CPNE8: variants seen among roughly 807,000 people sequenced by gnomAD.
The protein encoded by CPNE8 is copine-8.
Under a neutral mutation model 81.5 loss-of-function variants are expected in CPNE8, and 45 were observed. The ratio of observed to expected loss-of-function variants is 0.55; its 90% confidence interval spans 0.44 to 0.71. The LOEUF (loss-of-function observed/expected upper bound fraction) is 0.71. Among genes scored for constraint, CPNE8 ranks in the 30% least tolerant of loss-of-function variants. The pLI is 0.00. For synonymous variants in CPNE8, 252 were observed against 226.3 expected (o/e 1.11, Z -1.02); for missense variants, 594 against 672.1 (o/e 0.88, Z 1.28).
At chr12:38,713,806 G>T (rs1240685150) in intron 13 of CPNE8, among the ~76,000 whole-genome samples, 1 of 149,608 alleles carries the variant, frequency 6.7e-6, no homozygotes, top group South Asian at 2.1e-4. Context: ...ACCTGGACTC[G>T]CTGGATGAGA....
chr12:38,904,244 A>G (rs1304145030), intron 1 of CPNE8, among the ~76,000 whole-genome samples: 1 of 152,194 alleles, frequency 6.6e-6, no homozygotes, highest in Non-Finnish European at 1.5e-5. Flanking sequence ...CCAGTTTTCC[A>G]GTGAGACAGA....
intron 6 of CPNE8, among the ~76,000 whole-genome samples, chr12:38,794,705 T>A (rs980636038): frequency 6.6e-6 from 1 of 151,384 alleles, no homozygotes; most frequent in Non-Finnish European, 1.5e-5. Flanking sequence ...ACTGAAACCC[T>A]TGTGCACTAT....
intron 14 of CPNE8, among the ~76,000 whole-genome samples, chr12:38,697,162 A>T (rs967744761): frequency 6.6e-6 from 1 of 152,232 alleles, no homozygotes; most frequent in African/African-American, 2.4e-5. Context: ...TTCAAAAAGA[A>T]ACCGTACCCA....
intron 3 of CPNE8, among the ~76,000 whole-genome samples, chr12:38,872,796 T>C (rs1013565893): frequency 6.6e-6 from 1 of 152,194 alleles, no homozygotes; most frequent in Non-Finnish European, 1.5e-5. Flanking sequence ...GTTTCAGGAC[T>C]AGAATATCTC....
At chr12:38,858,717 T>G (rs1565651296) in intron 3 of CPNE8, among the ~76,000 whole-genome samples, 1 of 152,220 alleles carries the variant, frequency 6.6e-6, no homozygotes, top group Non-Finnish European at 1.5e-5. Flanking sequence ...GTCTAGTGTC[T>G]AAGCCTCACC....
chr12:38,749,631 T>C (rs972838919), intron 10 of CPNE8, among the ~76,000 whole-genome samples: 1 of 152,198 alleles, frequency 6.6e-6, no homozygotes, highest in African/African-American at 2.4e-5. Flanking sequence ...TGTTATGTTT[T>C]AGCAAAGAGA....
At chr12:38,654,212 A>G in intron 19 of CPNE8, 142 bp from the exon 20 acceptor site, 1 of 1,187,730 alleles carries the variant, frequency 8.4e-7, no homozygotes, top group Non-Finnish European at 1.1e-6. Flanking sequence ...CAATTATTAT[A>G]CATTTTTAAA....
intron 1 of CPNE8, among the ~76,000 whole-genome samples, chr12:38,902,610 G>C (rs1335211238): frequency 6.6e-6 from 1 of 152,152 alleles, no homozygotes; most frequent in Non-Finnish European, 1.5e-5. Context: ...TTGTTGCTAA[G>C]TGAAATCCCC....
At chr12:38,894,861 G>A (rs562755486) in intron 1 of CPNE8, among the ~76,000 whole-genome samples, 1 of 152,198 alleles carries the variant, frequency 6.6e-6, no homozygotes, top group South Asian at 2.1e-4. Flanking sequence ...TTAGATAAAA[G>A]AGGATTGTAG....
upstream of CPNE8, chr12:38,905,672 G>A (rs975189518): frequency 6.8e-7 from 1 of 1,472,300 alleles, no homozygotes; most frequent in South Asian, 1.3e-5. Flanking sequence ...GCGGGATGGG[G>A]GAGGGAAGGG....
At chr12:38,718,243 G>C (rs956999612) in intron 13 of CPNE8, among the ~76,000 whole-genome samples, 5 of 152,180 alleles carry the variant, frequency 3.3e-5, no homozygotes, top group Admixed American at 2.0e-4. Context: ...CTGAAGATGA[G>C]CAGGATCAAA....
chr12:38,775,758 C>A lies in CPNE8; in HGVS notation c.471+480G>T, dbSNP rs1272517829. The stretch of plus-strand genomic sequence containing the variant: ...CTGTAGTGGCAGCTAATCCTTTCTT[C>A]AAATGTGGACTTCCCAAGCTAACAA... On this transcript the variant is annotated intron_variant, in intron 7 of 19. Coordinates refer to ENST00000331366, the MANE Select transcript of CPNE8 (RefSeq NM_153634.3). 3.9e-5 allele frequency among the ~76,000 whole-genome samples: 6 copies of A among 152,138 alleles called. No individual in the cohort carries two copies. The East Asian group carries it at 7.7e-4, about 20-fold the overall frequency.
chr12:38,829,721 T>A (rs968805108), intron 5 of CPNE8, among the ~76,000 whole-genome samples: 1 of 152,226 alleles, frequency 6.6e-6, no homozygotes, highest in South Asian at 2.1e-4. Flanking sequence ...TAAGTTACAA[T>A]ACAAAATAGA....
At chr12:38,758,901 T>C (rs1941519107) in intron 10 of CPNE8, among the ~76,000 whole-genome samples, 1 of 152,148 alleles carries the variant, frequency 6.6e-6, no homozygotes, top group African/African-American at 2.4e-5. Context: ...AGGAAGACAA[T>C]ACAATATCTA....
chr12:38,759,053 T>C (rs1941522614), intron 10 of CPNE8, among the ~76,000 whole-genome samples: 1 of 152,240 alleles, frequency 6.6e-6, no homozygotes, highest in Admixed American at 6.5e-5. Flanking sequence ...CTCTTGTCTC[T>C]AATTCTAATG....
chr12:38,670,518 G>A (rs1939151177), intron 19 of CPNE8, among the ~76,000 whole-genome samples: 1 of 152,038 alleles, frequency 6.6e-6, no homozygotes, highest in Non-Finnish European at 1.5e-5. Context: ...TATGAGGGAA[G>A]CATGAAAATA....
chr12:38,659,412 G>A (rs1266432582), intron 19 of CPNE8, among the ~76,000 whole-genome samples: 1 of 152,158 alleles, frequency 6.6e-6, no homozygotes, highest in Non-Finnish European at 1.5e-5. Context: ...AGTCCTTAGA[G>A]ACCTACGAAG....
At chr12:38,845,617 T>TAA (rs1251070816) in intron 4 of CPNE8, among the ~76,000 whole-genome samples, 4 of 151,978 alleles carry the variant, frequency 2.6e-5, no homozygotes, top group African/African-American at 7.2e-5. Context: ...TATATATATA[T>TAA]AACTCGTGAA....
chr12:38,898,943 C>T (rs1944423465), intron 1 of CPNE8, among the ~76,000 whole-genome samples: 1 of 152,052 alleles, frequency 6.6e-6, no homozygotes, highest in South Asian at 2.1e-4. Flanking sequence ...AATACAACTT[C>T]AAAGTAAGAG....
Sources: gnomAD v4.1 joint callset for allele counts (sites outside exome capture counted in the v4.1 genomes callset) on GRCh38, gnomAD v4.1.1 for gene constraint, MANE v1.5 for transcripts, NCBI Gene and HGNC (gene_info 2026-07-23, HGNC 2026-07-21) for gene names.